SAMD8: variants seen among roughly 807,000 people sequenced by gnomAD.
SAMD8 encodes sphingomyelin synthase-related protein 1.
SAMD8 carries 20 observed loss-of-function variants against 42.0 expected under a neutral mutation model. The observed-to-expected ratio is 0.48, with a 90% CI of 0.34 to 0.69. The LOEUF (loss-of-function observed/expected upper bound fraction) is 0.69. Ranked by LOEUF, SAMD8 falls within the 30% of genes least tolerant of loss-of-function variation. The pLI, the probability that SAMD8 is intolerant of heterozygous loss-of-function variation, is 0.01. For missense variants in SAMD8, 328 were observed against 511.6 expected (o/e 0.64, Z 3.46); for synonymous variants, 162 against 173.0 (o/e 0.94, Z 0.50).
intron 1 of SAMD8, among the ~76,000 whole-genome samples, chr10:75,146,272 CTTTTTTTTTTTTT>C (rs202162176): frequency 4.4e-5 from 3 of 68,144 alleles, no homozygotes; most frequent in East Asian, 6.9e-4. Context: ...TGTCTTGACA[CTTTTTTTTTTTTT>C]TTTTTTTTTT....
rs530043259 is a variant in SAMD8, at chr10:75,159,063, C to CTTTTTTTTT, written c.579-5577_579-5569dup. ...TGTAGACAAATTTTTTTTTCTTTTT[C>CTTTTTTTTT]TTTTTTTTTTTTTGAGACAGAGTCT... is the stretch of plus-strand genomic sequence containing the variant. On this transcript the variant is annotated intron_variant, in intron 2 of 5. Coordinates refer to ENST00000542569, the MANE Select transcript of SAMD8 (RefSeq NM_001174156.2). Among the ~76,000 whole-genome samples the CTTTTTTTTT allele has an allele frequency of 3.4e-4, 45 of 133,448 alleles. 2 individuals are homozygous for CTTTTTTTTT. The South Asian group carries it at 4.7e-3, about 14-fold the overall frequency. 87.5% of individuals were successfully genotyped at this position (133,448 alleles called of 152,430 possible).
rs1841086674 is a variant in SAMD8 at position 75,181,912 on chromosome 10, T to A, written c.*5220T>A. ...AACGGACATGTTTTGTTTTGTGAAT[T>A]CTACCTAAATGTCTCTCTATCCACA... On this transcript the variant is annotated 3_prime_UTR_variant, in exon 6 of 6. Coordinates refer to ENST00000542569, the MANE Select transcript of SAMD8 (RefSeq NM_001174156.2). The A allele has an allele frequency of 6.6e-6, 1 of 152,220 alleles. No homozygotes were observed. Among genetic ancestry groups the A allele is most frequent in the African/African-American group, 2.4e-5 (1 of 41,452 alleles). 9.4% of individuals were successfully genotyped at this position (152,220 alleles called of 1,614,324 possible).
At chr10:75,140,831 A>G (rs998008263) in intron 1 of SAMD8, among the ~76,000 whole-genome samples, 1 of 152,196 alleles carries the variant, frequency 6.6e-6, no homozygotes, top group Non-Finnish European at 1.5e-5. Context: ...ATGTGCAGAT[A>G]AGTTTGGGGA....
chr10:75,132,104 A>G (rs1276175439), intron 1 of SAMD8, among the ~76,000 whole-genome samples: 1 of 152,158 alleles, frequency 6.6e-6, no homozygotes, highest in East Asian at 1.9e-4. Context: ...TTTATATCCT[A>G]CACTGTCTAG....
upstream of SAMD8, chr10:75,108,414 G>T: frequency 3.3e-6 from 3 of 914,638 alleles, no homozygotes; most frequent in Non-Finnish European, 4.7e-6. Flanking sequence ...TGTGTGTGTC[G>T]GGGGATCTTT....
chr10:75,128,431 T>C (rs980814406), intron 1 of SAMD8, among the ~76,000 whole-genome samples: 1 of 152,118 alleles, frequency 6.6e-6, no homozygotes, highest in African/African-American at 2.4e-5. Flanking sequence ...AGGCTGGTCT[T>C]GAACTTCTTC....
At chr10:75,123,872 C>T (rs900484131) in intron 1 of SAMD8, among the ~76,000 whole-genome samples, 1 of 151,904 alleles carries the variant, frequency 6.6e-6, no homozygotes, top group South Asian at 2.1e-4. Flanking sequence ...GGACTACAGG[C>T]ACACTCCACC....
chr10:75,170,245 G>A (rs1366968868), intron 4 of SAMD8, among the ~76,000 whole-genome samples: 1 of 152,118 alleles, frequency 6.6e-6, no homozygotes, highest in Non-Finnish European at 1.5e-5. Context: ...CTTTAATTCT[G>A]TGTTCTCACA....
At chr10:75,117,768 C>T (rs1289344577) in intron 1 of SAMD8, among the ~76,000 whole-genome samples, 1 of 152,186 alleles carries the variant, frequency 6.6e-6, no homozygotes, top group Non-Finnish European at 1.5e-5. Context: ...TGTTAAACTG[C>T]TAGCCTGGTT....
At chr10:75,119,033 A>G (rs1264701541) in intron 1 of SAMD8, among the ~76,000 whole-genome samples, 2 of 152,234 alleles carry the variant, frequency 1.3e-5, no homozygotes, top group African/African-American at 2.4e-5. Flanking sequence ...CTAGCTTTAT[A>G]TAATGTTTGA....
chr10:75,150,282 T>G (rs1840256102), intron 1 of SAMD8: 1 of 195,742 alleles, frequency 5.1e-6, no homozygotes, highest in Admixed American at 6.9e-5. Flanking sequence ...GGCTAAAATT[T>G]TTTTTTTTTT....
At chr10:75,104,254 G>T (rs931085407) in intron 1 of SAMD8, among the ~76,000 whole-genome samples, 3 of 152,192 alleles carry the variant, frequency 2.0e-5, no homozygotes, top group Non-Finnish European at 2.9e-5. Flanking sequence ...GAGAGATGAG[G>T]AGGTAGATTT....
intron 1 of SAMD8, among the ~76,000 whole-genome samples, chr10:75,146,272 C>CTTTT (rs202162176): frequency 1.5e-5 from 1 of 68,144 alleles, no homozygotes; most frequent in Non-Finnish European, 2.5e-5. Context: ...TGTCTTGACA[C>CTTTT]TTTTTTTTTT....
chr10:75,168,580 T>C lies in SAMD8; in HGVS notation c.714T>C (p.Thr238=), dbSNP rs764891787. 4 of 1,613,992 alleles carry C rather than the reference T, an allele frequency of 2.5e-6. No individual in the cohort carries two copies. Among genetic ancestry groups the C allele is most frequent in the Non-Finnish European group, 2.5e-6 (3 of 1,179,872 alleles). ...GAAGGCTCTGTAGTCTGATGGGAACTGTATTCTTGCTTCGCTGCTTTACCA... is the reference window on the plus strand; with the variant it reads ...GAAGGCTCTGTAGTCTGATGGGAACCGTATTCTTGCTTCGCTGCTTTACCA... The part of the protein sequence containing the change: ...LLRRLCSLMG[T]VFLLRCFTMF... The change falls in exon 4 of 6, where the codon ACT becomes ACC. Residue 238 remains threonine (T), a synonymous_variant. Coordinates refer to ENST00000542569, the MANE Select transcript of SAMD8 (RefSeq NM_001174156.2).
intron 1 of SAMD8, among the ~76,000 whole-genome samples, chr10:75,114,502 G>A (rs1400196435): frequency 6.6e-6 from 1 of 151,986 alleles, no homozygotes; most frequent in Non-Finnish European, 1.5e-5. Context: ...TTTTTATTTT[G>A]TTAATCATTA....
intron 1 of SAMD8, among the ~76,000 whole-genome samples, chr10:75,129,031 A>G (rs934387560): frequency 3.9e-5 from 6 of 152,002 alleles, no homozygotes; most frequent in Non-Finnish European, 8.8e-5. Context: ...TGTATTCTGA[A>G]TCACCTAAAA....
At chr10:75,168,330 A>G (rs1033162390) in intron 3 of SAMD8, 14 of 615,140 alleles carry the variant, frequency 2.3e-5, no homozygotes, top group South Asian at 1.5e-4. Flanking sequence ...ATAGTATATA[A>G]ATAGCTTCTT....
chr10:75,144,630 T>C (rs1460016766), intron 1 of SAMD8, among the ~76,000 whole-genome samples: 1 of 152,154 alleles, frequency 6.6e-6, no homozygotes, highest in Non-Finnish European at 1.5e-5. Context: ...CTCTTTTTTT[T>C]CTGTGTTTTA....
At chr10:75,164,574 A>G (rs1290957567) in intron 2 of SAMD8, 71 bp from the exon 3 acceptor site, 1 of 1,556,134 alleles carries the variant, frequency 6.4e-7, no homozygotes, top group East Asian at 2.2e-5. Flanking sequence ...TTAAAAGAGC[A>G]CCTTACTGAA....
Sources: gnomAD v4.1 joint callset for allele counts (sites outside exome capture counted in the v4.1 genomes callset) on GRCh38, gnomAD v4.1.1 for gene constraint, MANE v1.5 for transcripts, NCBI Gene and HGNC (gene_info 2026-07-23, HGNC 2026-07-21) for gene names.